MDGA2: variants seen among roughly 807,000 people sequenced by gnomAD.
MDGA2 encodes the protein MAM domain containing glycosylphosphatidylinositol anchor 2.
MDGA2 carries 40 observed loss-of-function variants against 117.8 expected under a neutral mutation model. That is an observed-to-expected ratio of 0.34 (90% CI 0.26 to 0.44). The LOEUF is 0.44. Ranked by LOEUF, MDGA2 falls within the 20% of genes least tolerant of loss-of-function variation. MDGA2 has a pLI of 1.00. For synonymous variants in MDGA2, 452 were observed against 439.0 expected, an observed-to-expected ratio of 1.03 and a Z score of -0.37; for missense variants, 1,123 against 1,250.6, an observed-to-expected ratio of 0.90 and a Z score of 1.54.
rs1042016036 is a variant in MDGA2 at position 47,289,721 on chromosome 14, C to T, written c.420+11690G>A. Among the ~76,000 whole-genome samples, 9 of 152,112 alleles carry T rather than the reference C, an allele frequency of 5.9e-5. 1 individual carries two copies. Among genetic ancestry groups the T allele is most frequent in the East Asian group, 5.8e-4 (3 of 5,168 alleles). On this transcript the variant is annotated intron_variant, in intron 2 of 16. Coordinates refer to ENST00000399232, the MANE Select transcript of MDGA2 (RefSeq NM_001113498.3). ...AGATGGTATTTCTTTCTTCTTGAAA[C>T]GCCCTGATAATCTTCAAATACTTAT...
At chr14:47,023,075 A>C (rs1250703280) in intron 8 of MDGA2, among the ~76,000 whole-genome samples, 1 of 152,100 alleles carries the variant, frequency 6.6e-6, no homozygotes, top group Non-Finnish European at 1.5e-5. Context: ...CAAATACAGA[A>C]AGAACTGAGT....
At chr14:47,115,204 T>C (rs1594637665) in intron 5 of MDGA2, among the ~76,000 whole-genome samples, 1 of 152,084 alleles carries the variant, frequency 6.6e-6, no homozygotes, top group Non-Finnish European at 1.5e-5. Flanking sequence ...CCAGAAGTAA[T>C]TTTATAAAAT....
chr14:47,375,516 T>A (rs1476878479), intron 1 of MDGA2, among the ~76,000 whole-genome samples: 1 of 152,094 alleles, frequency 6.6e-6, no homozygotes, highest in Non-Finnish European at 1.5e-5. Flanking sequence ...TCCCTAAATC[T>A]GCCATTTTCT....
At chr14:46,971,521 ATAGAG>A (rs918597129) in intron 8 of MDGA2, among the ~76,000 whole-genome samples, 18 of 152,084 alleles carry the variant, frequency 1.2e-4, no homozygotes, top group African/African-American at 4.3e-4. Flanking sequence ...TCTTATGGAG[ATAGAG>A]TATAGATAGA....
rs180761497 is a variant in MDGA2, at chr14:47,156,152, G to C, written c.596-11878C>G. ...ACAAACACCTAACCTCAAGTGATCT[G>C]CCCACCTTAGCCTCCCAAAGTGTGG... On this transcript the variant is annotated intron_variant, in intron 3 of 16. Coordinates refer to ENST00000399232, the MANE Select transcript of MDGA2 (RefSeq NM_001113498.3). Among the ~76,000 whole-genome samples the C allele has an allele frequency of 4.9e-4, 74 of 151,708 alleles. 2 individuals carry two copies. In the East Asian group the frequency reaches 9.0e-3, roughly 18 times the overall value.
intron 1 of MDGA2, among the ~76,000 whole-genome samples, chr14:47,428,493 A>T (rs974070467): frequency 5.3e-5 from 8 of 152,174 alleles, no homozygotes; most frequent in Non-Finnish European, 1.2e-4. Flanking sequence ...GATCTTTAAC[A>T]TTTGGAATGT....
intron 7 of MDGA2, among the ~76,000 whole-genome samples, chr14:47,038,218 C>T (rs1316733620): frequency 6.6e-6 from 1 of 152,218 alleles, no homozygotes; most frequent in Non-Finnish European, 1.5e-5. Flanking sequence ...AAGCGTGAGC[C>T]ACCGTGCTCA....
At chr14:47,475,041 C>T (rs190634805) in intron 1 of MDGA2, among the ~76,000 whole-genome samples, 7 of 152,074 alleles carry the variant, frequency 4.6e-5, no homozygotes, top group Non-Finnish European at 8.8e-5. Context: ...ACAGAGTAAA[C>T]AGATGACCTA....
chr14:47,642,989 G>A (rs898804765), intron 1 of MDGA2, among the ~76,000 whole-genome samples: 21 of 152,008 alleles, frequency 1.4e-4, no homozygotes, highest in African/African-American at 4.6e-4. Context: ...GATAACAACA[G>A]AGTATTTTGT....
chr14:47,070,416 C>G (rs1410236486), intron 6 of MDGA2, among the ~76,000 whole-genome samples: 3 of 152,252 alleles, frequency 2.0e-5, no homozygotes, highest in South Asian at 2.1e-4. Flanking sequence ...TATGTGGGAG[C>G]CATCCCTTTG....
intron 3 of MDGA2, among the ~76,000 whole-genome samples, chr14:47,182,741 C>A (rs1594703366): frequency 6.6e-6 from 1 of 152,088 alleles, no homozygotes; most frequent in South Asian, 2.1e-4. Context: ...AAAATAACAC[C>A]AACAATTACA....
chr14:47,058,346 T>C (rs143706962), intron 7 of MDGA2, among the ~76,000 whole-genome samples: 234 of 152,324 alleles, frequency 1.5e-3, no homozygotes, highest in Non-Finnish European at 2.6e-3. Context: ...TACTGACCAT[T>C]TGGTCAATGC....
intron 1 of MDGA2, among the ~76,000 whole-genome samples, chr14:47,603,582 A>G (rs899629331): frequency 2.6e-5 from 4 of 151,970 alleles, no homozygotes; most frequent in Non-Finnish European, 5.9e-5. Flanking sequence ...TAGAATGAGG[A>G]TTTGTTTCCA....
chr14:47,219,130 GA>G (rs1886206698), intron 2 of MDGA2, among the ~76,000 whole-genome samples: 1 of 151,990 alleles, frequency 6.6e-6, no homozygotes, highest in Non-Finnish European at 1.5e-5. Context: ...ACAGCTGATA[GA>G]AATCCTCTGT....
intron 1 of MDGA2, among the ~76,000 whole-genome samples, chr14:47,628,314 G>T (rs1223495410): frequency 6.6e-6 from 1 of 152,054 alleles, no homozygotes; most frequent in Non-Finnish European, 1.5e-5. Context: ...ATGACTATTT[G>T]TTTCATATCT....
chr14:46,945,228 C>G (rs1197985939), intron 9 of MDGA2, among the ~76,000 whole-genome samples: 1 of 152,072 alleles, frequency 6.6e-6, no homozygotes, highest in Non-Finnish European at 1.5e-5. Flanking sequence ...ACTCTTCTAA[C>G]TTGGTGGGAC....
intron 3 of MDGA2, among the ~76,000 whole-genome samples, chr14:47,189,122 T>A (rs1370317959): frequency 6.6e-6 from 1 of 152,164 alleles, no homozygotes; most frequent in African/African-American, 2.4e-5. Flanking sequence ...AGCTCTGGTA[T>A]CCTGAGATTG....
rs35861727 is a variant in MDGA2 at position 47,139,871 on chromosome 14, T to TAC, written c.792+4205_792+4206dup. On this transcript the variant is annotated intron_variant, in intron 4 of 16. Coordinates refer to ENST00000399232, the MANE Select transcript of MDGA2 (RefSeq NM_001113498.3). Reference sequence around the variant, plus strand: ...ACATATATATACACATATATATATATACACACACACACATATATATATATA... The same window carrying TAC: ...ACATATATATACACATATATATATATACACACACACACACATATATATATATA... Among the ~76,000 whole-genome samples, 183 of 140,260 alleles carry TAC rather than the reference T, an allele frequency of 1.3e-3. 1 individual carries two copies. The highest frequency in any genetic ancestry group is 3.9e-3 in the African/African-American group (143 of 36,938). 92.0% of individuals were successfully genotyped at this position (140,260 alleles called of 152,430 possible). A position where few individuals can be genotyped will look rare whatever the true frequency, so the allele number is the denominator to read the frequency against.
chr14:47,510,587 G>C (rs933022010), intron 1 of MDGA2, among the ~76,000 whole-genome samples: 2 of 152,150 alleles, frequency 1.3e-5, no homozygotes, highest in African/African-American at 2.4e-5. Context: ...TCCTTGAATA[G>C]TCATGTTGCT....
Sources: gnomAD v4.1 joint callset for allele counts (sites outside exome capture counted in the v4.1 genomes callset) on GRCh38, gnomAD v4.1.1 for gene constraint, MANE v1.5 for transcripts, NCBI Gene and HGNC (gene_info 2026-07-23, HGNC 2026-07-21) for gene names.